KCTD16: variants seen among roughly 807,000 people sequenced by gnomAD.
The protein encoded by KCTD16 is potassium channel tetramerization domain containing 16.
Under a neutral mutation model 33.2 loss-of-function variants are expected in KCTD16, and 13 were observed. That is an observed-to-expected ratio of 0.39 (90% confidence interval 0.25 to 0.62). The LOEUF is 0.62. KCTD16 is among the 20% of genes least tolerant of loss of function. The probability of loss-of-function intolerance (pLI) is 0.50; values close to 1 mark genes in which losing one functional copy is unlikely to be tolerated. For synonymous variants in KCTD16, 197 were observed against 195.3 expected, an observed-to-expected ratio of 1.01 and a Z score of -0.07; for missense variants, 441 against 525.1, an observed-to-expected ratio of 0.84 and a Z score of 1.57.
At chr5:144,433,109 A>G (rs1753501169) in intron 3 of KCTD16, among the ~76,000 whole-genome samples, 1 of 152,136 alleles carries the variant, frequency 6.6e-6, no homozygotes, top group Admixed American at 6.6e-5. Context: ...TACCTGTCAC[A>G]GTAGGCATCA....
intron 3 of KCTD16, among the ~76,000 whole-genome samples, chr5:144,383,399 C>T (rs148964996): frequency 0.013 from 1,965 of 152,166 alleles, 40 homozygotes; most frequent in African/African-American, 0.045. Flanking sequence ...TTCAGATCTA[C>T]CTTTTTCACG....
chr5:144,453,856 T>C (rs1754000781), intron 3 of KCTD16, among the ~76,000 whole-genome samples: 1 of 151,908 alleles, frequency 6.6e-6, no homozygotes, highest in Non-Finnish European at 1.5e-5. Context: ...GAGACTGAGA[T>C]TAAAAGATGT....
intron 3 of KCTD16, among the ~76,000 whole-genome samples, chr5:144,333,051 C>G (rs915007887): frequency 6.6e-6 from 1 of 152,114 alleles, no homozygotes; most frequent in Admixed American, 6.5e-5. Flanking sequence ...TCCCACAACT[C>G]GTGGGAATTA....
intron 3 of KCTD16, among the ~76,000 whole-genome samples, chr5:144,407,860 C>A (rs929877544): frequency 6.6e-6 from 1 of 152,148 alleles, no homozygotes; most frequent in African/African-American, 2.4e-5. Flanking sequence ...CATGTCCCTG[C>A]AAAGGACATG....
At chr5:144,437,944 T>A (rs1019249307) in intron 3 of KCTD16, among the ~76,000 whole-genome samples, 1 of 152,208 alleles carries the variant, frequency 6.6e-6, no homozygotes, top group African/African-American at 2.4e-5. Context: ...GTGGCTATTC[T>A]AAATTGAGAT....
intron 2 of KCTD16, among the ~76,000 whole-genome samples, chr5:144,190,565 G>C (rs541283196): frequency 4.6e-5 from 7 of 152,130 alleles, no homozygotes; most frequent in Admixed American, 2.6e-4. Flanking sequence ...ATTGATTGTT[G>C]AATGAAAATT....
chr5:144,474,823 A>G lies in KCTD16; in HGVS notation c.*709A>G, dbSNP rs1294423772. ...GGAAGATTTCCCAGCCTTTCTTCAC[A>G]ACACTTTCTAACATCAAATGACTCT... On this transcript the variant is annotated 3_prime_UTR_variant, in exon 4 of 4. Transcript: ENST00000512467. The G allele has an allele frequency of 6.6e-6, 1 of 152,236 alleles. No individual in the cohort carries two copies. The highest frequency in any genetic ancestry group is 1.5e-5 in the Non-Finnish European group (1 of 68,046). The allele number at this position is 152,236 out of a possible 1,614,324, so 9.4% of individuals were successfully genotyped here.
chr5:144,274,456 G>T (rs768690659), intron 3 of KCTD16, among the ~76,000 whole-genome samples: 6 of 152,128 alleles, frequency 3.9e-5, no homozygotes, highest in Non-Finnish European at 8.8e-5. Flanking sequence ...GAAGGCAGAA[G>T]AAATAAGATA....
chr5:144,303,640 C>T (rs1177020868), intron 3 of KCTD16, among the ~76,000 whole-genome samples: 1 of 151,852 alleles, frequency 6.6e-6, no homozygotes, highest in Non-Finnish European at 1.5e-5. Context: ...TCATTATCAA[C>T]TCTTTATTTT....
chr5:144,460,941 G>C (rs1754180049), intron 3 of KCTD16, among the ~76,000 whole-genome samples: 1 of 152,120 alleles, frequency 6.6e-6, no homozygotes, highest in Non-Finnish European at 1.5e-5. Flanking sequence ...CTCTTCTTCT[G>C]TTAAGCCACA....
chr5:144,383,409 G>A (rs1228847937), intron 3 of KCTD16, among the ~76,000 whole-genome samples: 2 of 151,740 alleles, frequency 1.3e-5, no homozygotes, highest in East Asian at 3.9e-4. Context: ...CCTTTTTCAC[G>A]GGATGGATCT....
intron 3 of KCTD16, among the ~76,000 whole-genome samples, chr5:144,354,854 A>AT (rs915661753): frequency 3.3e-5 from 5 of 152,156 alleles, no homozygotes; most frequent in African/African-American, 7.2e-5. Flanking sequence ...TAACTTTCAA[A>AT]TTTTCATTTA....
intron 3 of KCTD16, among the ~76,000 whole-genome samples, chr5:144,317,452 G>T (rs557647586): frequency 6.6e-6 from 1 of 152,186 alleles, no homozygotes; most frequent in Non-Finnish European, 1.5e-5. Flanking sequence ...CTCTGGGAAT[G>T]GTTCCTGGAA....
chr5:144,468,433 A>G (rs1754396470), intron 3 of KCTD16, among the ~76,000 whole-genome samples: 2 of 152,274 alleles, frequency 1.3e-5, no homozygotes, highest in South Asian at 4.1e-4. Context: ...CGTACTAACC[A>G]TCTCTCAATA....
At chr5:144,439,456 C>G (rs1303672909) in intron 3 of KCTD16, 2 of 283,070 alleles carry the variant, frequency 7.1e-6, no homozygotes, top group African/African-American at 4.6e-5. Context: ...TGCCCGCTAC[C>G]CAAGAAGCCA....
At chr5:144,344,366 A>C (rs1752726681) in intron 3 of KCTD16, among the ~76,000 whole-genome samples, 1 of 131,754 alleles carries the variant, frequency 7.6e-6, no homozygotes. Context: ...AATGGGATCT[A>C]ATTAAAGAGC....
chr5:144,427,203 A>G (rs1194567068), intron 3 of KCTD16, among the ~76,000 whole-genome samples: 3 of 151,646 alleles, frequency 2.0e-5, no homozygotes, highest in Non-Finnish European at 4.4e-5. Flanking sequence ...AGGATAAAGA[A>G]GTTGGAATAA....
chr5:144,277,564 A>C (rs1360030419), intron 3 of KCTD16, among the ~76,000 whole-genome samples: 1 of 152,240 alleles, frequency 6.6e-6, no homozygotes, highest in Non-Finnish European at 1.5e-5. Flanking sequence ...ATCACTTAGC[A>C]AGACAGTGGC....
chr5:144,218,006 C>T (rs908352657), intron 3 of KCTD16, among the ~76,000 whole-genome samples: 2 of 152,164 alleles, frequency 1.3e-5, no homozygotes, highest in Non-Finnish European at 2.9e-5. Context: ...AAATAACAGG[C>T]ACCCTGACCT....
Sources: gnomAD v4.1 joint callset for allele counts (sites outside exome capture counted in the v4.1 genomes callset) on GRCh38, gnomAD v4.1.1 for gene constraint, MANE v1.5 for transcripts, NCBI Gene and HGNC (gene_info 2026-07-23, HGNC 2026-07-21) for gene names.